The following INPP5A variants were observed in gnomAD, a reference collection of about 807,000 sequenced individuals.
INPP5A encodes inositol polyphosphate-5-phosphatase A.
Under a neutral mutation model 65.2 loss-of-function variants are expected in INPP5A, and 14 were observed. The ratio of observed to expected loss-of-function variants is 0.21; its 90% CI spans 0.14 to 0.34. The LOEUF (loss-of-function observed/expected upper bound fraction) is 0.34. INPP5A is among the 10% of genes least tolerant of loss of function. The pLI, the probability that INPP5A is intolerant of heterozygous loss-of-function variation, is 1.00. For missense variants in INPP5A, 431 were observed against 545.6 expected (o/e 0.79, Z 2.09); for synonymous variants, 207 against 208.3 (o/e 0.99, Z 0.05).
intron 1 of INPP5A, among the ~76,000 whole-genome samples, chr10:132,554,757 GGCGTCGTTGGCACTGATGTGGGTA>G (rs1271506202): frequency 1.3e-5 from 2 of 151,858 alleles, no homozygotes; most frequent in East Asian, 3.9e-4. Flanking sequence ...TGGTGTGGGT[GGCGTCGTTGGCACTGATGTGGGTA>G]GCGTGGTTGG....
At chr10:132,640,037 T>C (rs2072405302) in intron 2 of INPP5A, among the ~76,000 whole-genome samples, 1 of 152,270 alleles carries the variant, frequency 6.6e-6, no homozygotes, top group Admixed American at 6.5e-5. Flanking sequence ...CTCTGCTGTG[T>C]CCGGCATTGG....
chr10:132,627,758 C>G lies in INPP5A; in HGVS notation c.118-18110C>G, dbSNP rs1026722258. Among the ~76,000 whole-genome samples the G allele has an allele frequency of 6.6e-6, 1 of 152,106 alleles. No individual in the cohort carries two copies. Among genetic ancestry groups the G allele is most frequent in the African/African-American group, 2.4e-5 (1 of 41,400 alleles). The stretch of plus-strand genomic sequence containing the variant: ...AGATGCCACAGGGCCTCCTCTTCCC[C>G]GTGAAAAGCTTCAGACTTTCTTCAT... On this transcript the variant is annotated intron_variant, in intron 2 of 15. Transcript: ENST00000368594. This position sits in a 1 kb window ranked among gnomAD's most constrained non-coding sequence, Gnocchi z 6.6.
chr10:132,781,229 T>C (rs1045327655), intron 14 of INPP5A, among the ~76,000 whole-genome samples: 1 of 152,256 alleles, frequency 6.6e-6, no homozygotes, highest in Non-Finnish European at 1.5e-5. Context: ...GCTGATTGTT[T>C]CTGAAGGCTG....
chr10:132,686,749 C>T (rs1009857292), intron 4 of INPP5A, among the ~76,000 whole-genome samples: 6 of 152,264 alleles, frequency 3.9e-5, no homozygotes, highest in South Asian at 2.1e-4. Context: ...ATGTTTGCAG[C>T]GACATTTATT....
At chr10:132,557,521 G>C (rs1343416022) in intron 1 of INPP5A, among the ~76,000 whole-genome samples, 1 of 152,258 alleles carries the variant, frequency 6.6e-6, no homozygotes, top group Admixed American at 6.5e-5. Context: ...TGGTTCAGCT[G>C]CTCATTTTTG....
chr10:132,688,597 G>A (rs1845184202), intron 4 of INPP5A, among the ~76,000 whole-genome samples: 1 of 152,214 alleles, frequency 6.6e-6, no homozygotes, highest in Non-Finnish European at 1.5e-5. Flanking sequence ...GTGCATGAGT[G>A]CGTGTGTGCA....
At chr10:132,666,975 C>T (rs1258310795) in intron 4 of INPP5A, among the ~76,000 whole-genome samples, 1 of 152,166 alleles carries the variant, frequency 6.6e-6, no homozygotes, top group African/African-American at 2.4e-5. Flanking sequence ...TCATTAATTC[C>T]TCTCACCCCC....
At chr10:132,578,954 T>C (rs1288516885) in intron 1 of INPP5A, among the ~76,000 whole-genome samples, 1 of 152,104 alleles carries the variant, frequency 6.6e-6, no homozygotes. Flanking sequence ...CCTCACAGGC[T>C]CTGGGTTTAA....
At chr10:132,733,920 G>C (rs778318776) in intron 9 of INPP5A, among the ~76,000 whole-genome samples, 1 of 152,234 alleles carries the variant, frequency 6.6e-6, no homozygotes, top group East Asian at 1.9e-4. Flanking sequence ...GAGTGCCTGG[G>C]AGCTCCTTAG....
chr10:132,698,754 A>C lies in INPP5A; in HGVS notation c.474+835A>C, dbSNP rs1282625840. ...GGGGGCGTCCAGGCTGTGATATAGG[A>C]GCTCTCGTCCGGACTTGTCTGCGCA... On this transcript the variant is annotated intron_variant, in intron 6 of 15. Transcript: ENST00000368594. The surrounding 1 kb of genome is among the most constrained non-coding windows in gnomAD (Gnocchi z 5.5). Among the ~76,000 whole-genome samples, 1 of 152,096 alleles carries C rather than the reference A, an allele frequency of 6.6e-6. No individual in the cohort carries two copies. The highest frequency in any genetic ancestry group is 1.5e-5 in the Non-Finnish European group (1 of 68,020).
chr10:132,565,856 T>G (rs1473626805), intron 1 of INPP5A, among the ~76,000 whole-genome samples: 1 of 152,136 alleles, frequency 6.6e-6, no homozygotes, highest in Non-Finnish European at 1.5e-5. Flanking sequence ...TGTGTGTGTG[T>G]GTTTGTGTGT....
chr10:132,590,589 G>T (rs1469396837), intron 1 of INPP5A, among the ~76,000 whole-genome samples: 3 of 152,180 alleles, frequency 2.0e-5, no homozygotes, highest in Admixed American at 6.5e-5. Flanking sequence ...ACCCTCCAGC[G>T]ATGGGTCCTC....
At chr10:132,780,064 T>C (rs983599185) in intron 13 of INPP5A, among the ~76,000 whole-genome samples, 1 of 152,264 alleles carries the variant, frequency 6.6e-6, no homozygotes, top group Non-Finnish European at 1.5e-5. Flanking sequence ...TGCTCATGCA[T>C]GCGGTGCCGA....
chr10:132,723,768 C>A (rs1037662281), intron 8 of INPP5A, among the ~76,000 whole-genome samples: 2 of 152,130 alleles, frequency 1.3e-5, no homozygotes, highest in Non-Finnish European at 2.9e-5. Flanking sequence ...CGCTGGCCGG[C>A]GGGCGTTGCC....
intron 8 of INPP5A, among the ~76,000 whole-genome samples, chr10:132,725,070 C>A (rs1402753275): frequency 6.6e-6 from 1 of 151,848 alleles, no homozygotes; most frequent in Non-Finnish European, 1.5e-5. Context: ...ATGGGGGTTA[C>A]TCTCCAGAAC....
At chr10:132,765,971 G>C (rs2045331102) in intron 12 of INPP5A, 125 bp downstream of exon 12, 1 of 691,300 alleles carries the variant, frequency 1.4e-6, no homozygotes, top group Non-Finnish European at 2.7e-6. Context: ...TGTGCATTCT[G>C]TGTGCATCCA....
chr10:132,680,720 G>A (rs916766552), intron 4 of INPP5A, among the ~76,000 whole-genome samples: 13 of 152,240 alleles, frequency 8.5e-5, no homozygotes, highest in African/African-American at 2.9e-4. Flanking sequence ...CTGGATTTCC[G>A]GGTGGGCGTG....
chr10:132,759,471 C>T (rs781244012), intron 11 of INPP5A, among the ~76,000 whole-genome samples: 1 of 152,208 alleles, frequency 6.6e-6, no homozygotes, highest in East Asian at 1.9e-4. Flanking sequence ...CTGGGATTTC[C>T]GGCTTCCAGA....
intron 1 of INPP5A, among the ~76,000 whole-genome samples, chr10:132,582,282 T>C (rs915530664): frequency 2.0e-5 from 3 of 152,214 alleles, no homozygotes; most frequent in Non-Finnish European, 4.4e-5. Context: ...AGAAGCTATA[T>C]GCTTTTACTG....
Sources: allele counts gnomAD v4.1 joint callset (sites outside exome capture counted in the v4.1 genomes callset), GRCh38; gene constraint gnomAD v4.1.1; non-coding constraint Gnocchi (gnomAD v3.1); transcripts MANE v1.5; gene names NCBI Gene and HGNC (gene_info 2026-07-23, HGNC 2026-07-21).